The following SLIT3 variants were observed in gnomAD, a reference collection of about 807,000 sequenced individuals.
The protein encoded by SLIT3 is slit guidance ligand 3, also known as slit homolog 3 protein.
Under a neutral mutation model 184.0 loss-of-function variants are expected in SLIT3, and 68 were observed. That is an observed-to-expected ratio of 0.37 (90% confidence interval 0.30 to 0.45). The LOEUF is 0.45. Among genes scored for constraint, SLIT3 ranks in the 20% least tolerant of loss-of-function variants. The pLI, the probability that SLIT3 is intolerant of heterozygous loss-of-function variation, is 1.00. For synonymous variants in SLIT3, 831 were observed against 828.6 expected (o/e 1.00, Z -0.05); for missense variants, 1,707 against 2,026.0 (o/e 0.84, Z 3.02).
intron 18 of SLIT3, among the ~76,000 whole-genome samples, chr5:168,752,235 G>A (rs1437287705): frequency 6.6e-6 from 1 of 152,092 alleles, no homozygotes; most frequent in African/African-American, 2.4e-5. Flanking sequence ...GCTGACAGAT[G>A]TTCAGTCCCA....
intron 35 of SLIT3, among the ~76,000 whole-genome samples, chr5:168,668,589 T>C (rs182419770): frequency 7.0e-4 from 107 of 152,366 alleles, no homozygotes; most frequent in Non-Finnish European, 1.2e-3. Flanking sequence ...ATGAGTTATC[T>C]GCACTTTTGT....
intron 4 of SLIT3, among the ~76,000 whole-genome samples, chr5:169,034,516 C>T (rs1757157413): frequency 6.6e-6 from 1 of 152,132 alleles, no homozygotes; most frequent in Non-Finnish European, 1.5e-5. Flanking sequence ...CTATCCTTTT[C>T]CCATTGTGTC....
chr5:169,117,287 C>T (rs1210900800), intron 4 of SLIT3, among the ~76,000 whole-genome samples: 2 of 152,144 alleles, frequency 1.3e-5, no homozygotes, highest in African/African-American at 2.4e-5. Flanking sequence ...GCTCCATGCC[C>T]GGATTGAGGA....
chr5:168,848,729 T>C, intron 5 of SLIT3, among the ~76,000 whole-genome samples: 1 of 152,038 alleles, frequency 6.6e-6, no homozygotes, highest in East Asian at 1.9e-4. Context: ...TTTTATACTC[T>C]GAGAATATAA....
intron 10 of SLIT3, among the ~76,000 whole-genome samples, chr5:168,793,527 G>A (rs1425147714): frequency 6.6e-6 from 1 of 152,112 alleles, no homozygotes; most frequent in Non-Finnish European, 1.5e-5. Flanking sequence ...ATAAATATCA[G>A]TAGCATCATA....
intron 3 of SLIT3, among the ~76,000 whole-genome samples, chr5:169,227,176 G>C (rs2093385224): frequency 6.6e-6 from 1 of 152,206 alleles, no homozygotes; most frequent in African/African-American, 2.4e-5. Context: ...ACAGACTTAA[G>C]CATGAGGTAG....
At chr5:169,006,690 G>T (rs1446420126) in intron 4 of SLIT3, among the ~76,000 whole-genome samples, 2 of 150,946 alleles carry the variant, frequency 1.3e-5, no homozygotes, top group Non-Finnish European at 2.9e-5. Flanking sequence ...AACAGGATTT[G>T]AAAATTCAAA....
At chr5:168,767,271 A>G (rs1448700021) in intron 14 of SLIT3, among the ~76,000 whole-genome samples, 1 of 152,186 alleles carries the variant, frequency 6.6e-6, no homozygotes, top group Non-Finnish European at 1.5e-5. Context: ...CTCAGCTTCT[A>G]GTTCTGAGCT....
chr5:168,694,396 C>G (rs1761993448), intron 28 of SLIT3, among the ~76,000 whole-genome samples: 1 of 152,278 alleles, frequency 6.6e-6, no homozygotes, highest in Admixed American at 6.5e-5. Flanking sequence ...ACCAGAAGCC[C>G]TTGTGGGCTG....
intron 4 of SLIT3, among the ~76,000 whole-genome samples, chr5:168,923,481 C>T (rs1192225749): frequency 6.6e-6 from 1 of 151,620 alleles, no homozygotes; most frequent in South Asian, 2.1e-4. Flanking sequence ...TCTTCACAAA[C>T]ATAAATATGA....
At chr5:169,224,460 T>C (rs926338903) in intron 3 of SLIT3, among the ~76,000 whole-genome samples, 1 of 149,914 alleles carries the variant, frequency 6.7e-6, no homozygotes, top group African/African-American at 2.5e-5. Flanking sequence ...CTCGACCTCC[T>C]GGAGTCAAGT....
chr5:168,924,332 C>T (rs551559644), intron 4 of SLIT3, among the ~76,000 whole-genome samples: 1 of 152,290 alleles, frequency 6.6e-6, no homozygotes, highest in African/African-American at 2.4e-5. Flanking sequence ...TTCCCATGTC[C>T]TGCTTCTCTC....
chr5:169,175,094 C>T (rs932260173), intron 4 of SLIT3, among the ~76,000 whole-genome samples: 1 of 152,126 alleles, frequency 6.6e-6, no homozygotes, highest in Non-Finnish European at 1.5e-5. Flanking sequence ...AGACAATGAA[C>T]AATGACGGCA....
chr5:169,245,725 G>A (rs1458217550), intron 2 of SLIT3, among the ~76,000 whole-genome samples: 4 of 152,168 alleles, frequency 2.6e-5, no homozygotes, highest in Non-Finnish European at 5.9e-5. Flanking sequence ...ATGGCAGATG[G>A]AGAGGAAGAG....
chr5:168,876,969 C>T (rs567601192), intron 5 of SLIT3, among the ~76,000 whole-genome samples: 34 of 152,194 alleles, frequency 2.2e-4, no homozygotes, highest in East Asian at 1.7e-3. Context: ...TGGTATGTAA[C>T]GGGCCATCGG....
At chr5:168,668,500 C>T (rs1345389916) in intron 35 of SLIT3, among the ~76,000 whole-genome samples, 1 of 152,208 alleles carries the variant, frequency 6.6e-6, no homozygotes, top group East Asian at 1.9e-4. Flanking sequence ...GTTCTCCCTG[C>T]AGAGGTCCAC....
intron 2 of SLIT3, among the ~76,000 whole-genome samples, chr5:169,249,830 T>C (rs1765713067): frequency 6.6e-6 from 1 of 152,222 alleles, no homozygotes; most frequent in South Asian, 2.1e-4. Context: ...GCACAGGGTG[T>C]GCCTTCCCTT....
intron 4 of SLIT3, among the ~76,000 whole-genome samples, chr5:169,009,491 C>A (rs1756058770): frequency 6.6e-6 from 1 of 152,234 alleles, no homozygotes; most frequent in Admixed American, 6.5e-5. Flanking sequence ...TGCACCAGGC[C>A]CCCTGGCCCC....
chr5:168,828,174 A>C (rs571286120), intron 6 of SLIT3, among the ~76,000 whole-genome samples: 16 of 152,356 alleles, frequency 1.1e-4, no homozygotes, highest in Middle Eastern at 3.4e-3. Flanking sequence ...GGGATTCAAA[A>C]GCAGGTAGTC....
Sources: allele counts gnomAD v4.1 joint callset (sites outside exome capture counted in the v4.1 genomes callset), GRCh38; gene constraint gnomAD v4.1.1; transcripts MANE v1.5; gene names NCBI Gene and HGNC (gene_info 2026-07-23, HGNC 2026-07-21).